Variants in GRID1 observed in about 807,000 individuals in gnomAD.
The protein encoded by GRID1 is glutamate receptor ionotropic, delta-1.
A neutral mutation model predicts 98.0 loss-of-function variants in GRID1; 28 were observed. That is an observed-to-expected ratio of 0.29 (90% CI 0.21 to 0.39). The LOEUF (loss-of-function observed/expected upper bound fraction) is 0.39, where lower values mean the gene tolerates loss of function less well. Ranked by LOEUF, GRID1 falls within the 10% of genes least tolerant of loss-of-function variation. The pLI, the probability that GRID1 is intolerant of heterozygous loss-of-function variation, is 1.00. For missense variants in GRID1, 1,111 were observed against 1,340.5 expected (o/e 0.83, Z 2.67); for synonymous variants, 553 against 538.5 (o/e 1.03, Z -0.37).
chr10:85,862,308 A>G (rs1843170837), intron 6 of GRID1, among the ~76,000 whole-genome samples: 1 of 152,258 alleles, frequency 6.6e-6, no homozygotes, highest in African/African-American at 2.4e-5. Context: ...GTTGAATAAC[A>G]GTTTTAAACA....
intron 8 of GRID1, among the ~76,000 whole-genome samples, chr10:85,815,908 C>G (rs1842711991): frequency 6.6e-6 from 1 of 151,794 alleles, no homozygotes; most frequent in African/African-American, 2.4e-5. Flanking sequence ...TAAAAAAAAG[C>G]TTACATCATT....
intron 5 of GRID1, among the ~76,000 whole-genome samples, chr10:85,890,966 TCA>T (rs1280046744): frequency 1.1e-4 from 17 of 152,296 alleles, no homozygotes; most frequent in Middle Eastern, 6.8e-3. Context: ...GCCCTTTAAT[TCA>T]CAGTTTACTC....
chr10:86,209,429 T>G (rs1213653265), intron 2 of GRID1, among the ~76,000 whole-genome samples: 1 of 152,172 alleles, frequency 6.6e-6, no homozygotes, highest in Non-Finnish European at 1.5e-5. Flanking sequence ...TTCCAGATAA[T>G]GAGATGTGAG....
At chr10:86,239,094 G>A (rs1036189932) in intron 2 of GRID1, among the ~76,000 whole-genome samples, 1 of 152,252 alleles carries the variant, frequency 6.6e-6, no homozygotes, top group African/African-American at 2.4e-5. Flanking sequence ...TGTAGAGGCT[G>A]AGCCCTGCAG....
intron 4 of GRID1, among the ~76,000 whole-genome samples, chr10:85,961,945 G>A (rs1007361986): frequency 4.6e-5 from 7 of 152,056 alleles, no homozygotes; most frequent in Non-Finnish European, 8.8e-5. Flanking sequence ...AACAAAGGAG[G>A]GAAGGAAGGG....
chr10:86,129,092 C>T (rs569944244), intron 4 of GRID1, among the ~76,000 whole-genome samples: 3 of 152,288 alleles, frequency 2.0e-5, no homozygotes, highest in South Asian at 2.1e-4. Context: ...CTCAGACTCT[C>T]GGGTGCCTGG....
intron 3 of GRID1, among the ~76,000 whole-genome samples, chr10:86,180,965 G>A (rs1365343559): frequency 1.3e-5 from 2 of 152,192 alleles, no homozygotes; most frequent in African/African-American, 4.8e-5. Flanking sequence ...GAGGACCAGG[G>A]CAGGCAAGTG....
Position 85,736,197 on chromosome 10 carries a change from A to G in GRID1, c.1234-6583T>C, listed in dbSNP as rs1841881706. Among the ~76,000 whole-genome samples the G allele has an allele frequency of 2.2e-5, 3 of 135,740 alleles. No homozygotes were observed. In the Admixed American group the frequency reaches 2.3e-4, roughly 10 times the overall value. The allele number at this position is 135,740 out of a possible 152,430, so 89.1% of individuals were successfully genotyped here. A position where few individuals can be genotyped will look rare whatever the true frequency, so the allele number is the denominator to read the frequency against. On this transcript the variant is annotated intron_variant, in intron 8 of 15. Coordinates refer to ENST00000327946, the MANE Select transcript of GRID1 (RefSeq NM_017551.3). ...GAAGAAAGGAAGGAAGGAGGGAAGG[A>G]AGGAAGGAAGCAAAGAAGGAGGGAA...
At chr10:86,239,145 C>T (rs1169122896) in intron 2 of GRID1, among the ~76,000 whole-genome samples, 1 of 152,220 alleles carries the variant, frequency 6.6e-6, no homozygotes, top group Non-Finnish European at 1.5e-5. Context: ...GCGAGCCCAC[C>T]CTTTGTATTA....
At chr10:85,632,651 C>G (rs1395373581) in intron 13 of GRID1, among the ~76,000 whole-genome samples, 1 of 152,216 alleles carries the variant, frequency 6.6e-6, no homozygotes, top group African/African-American at 2.4e-5. Flanking sequence ...ACAAGTGGTT[C>G]TCGTGCCTCA....
intron 5 of GRID1, among the ~76,000 whole-genome samples, chr10:85,882,642 G>C (rs1221249228): frequency 3.3e-5 from 5 of 152,152 alleles, no homozygotes; most frequent in African/African-American, 9.7e-5. Context: ...GGAGGGGGAA[G>C]GGATAGCATT....
chr10:86,330,407 G>A (rs1848122588), intron 2 of GRID1, among the ~76,000 whole-genome samples: 4 of 152,158 alleles, frequency 2.6e-5, no homozygotes, highest in Non-Finnish European at 5.9e-5. Context: ...ATGCCACCAG[G>A]GCTGGACACG....
At chr10:85,796,868 C>T (rs576624854) in intron 8 of GRID1, among the ~76,000 whole-genome samples, 4 of 152,228 alleles carry the variant, frequency 2.6e-5, no homozygotes, top group Admixed American at 6.5e-5. Context: ...GCCTTTCAAA[C>T]GTCATAAAAA....
intron 3 of GRID1, among the ~76,000 whole-genome samples, chr10:86,204,031 C>T (rs555634449): frequency 6.6e-6 from 1 of 152,130 alleles, no homozygotes; most frequent in African/African-American, 2.4e-5. Context: ...TTCAACCCCA[C>T]CAAAGGTAGC....
intron 2 of GRID1, among the ~76,000 whole-genome samples, chr10:86,291,223 G>A (rs958269355): frequency 1.4e-4 from 22 of 152,308 alleles, no homozygotes; most frequent in Admixed American, 2.6e-4. Flanking sequence ...GATCCACAGC[G>A]CGGTGCACAG....
intron 13 of GRID1, among the ~76,000 whole-genome samples, chr10:85,628,765 C>A (rs541497589): frequency 7.2e-4 from 110 of 152,310 alleles, no homozygotes; most frequent in African/African-American, 2.4e-3. Flanking sequence ...GAACTCTCCA[C>A]AAATACTGAA....
chr10:85,906,070 A>C (rs1314562060), intron 5 of GRID1, among the ~76,000 whole-genome samples: 1 of 152,140 alleles, frequency 6.6e-6, no homozygotes, highest in Non-Finnish European at 1.5e-5. Flanking sequence ...AAGGTATTAT[A>C]CTAACACAAG....
At chr10:85,789,993 C>T (rs1181255012) in intron 8 of GRID1, among the ~76,000 whole-genome samples, 2 of 152,230 alleles carry the variant, frequency 1.3e-5, no homozygotes, top group African/African-American at 2.4e-5. Context: ...CTCCGGAGAG[C>T]CCTCTCCCTT....
intron 4 of GRID1, among the ~76,000 whole-genome samples, chr10:85,930,947 C>A (rs1841843623): frequency 6.6e-6 from 1 of 151,332 alleles, no homozygotes; most frequent in African/African-American, 2.5e-5. Flanking sequence ...ATCAAGCAAT[C>A]TCTCACCTCA....
Sources: allele counts gnomAD v4.1 joint callset (sites outside exome capture counted in the v4.1 genomes callset), GRCh38; gene constraint gnomAD v4.1.1; transcripts MANE v1.5; gene names NCBI Gene and HGNC (gene_info 2026-07-23, HGNC 2026-07-21).